XKR4: variants seen among roughly 807,000 people sequenced by gnomAD.
The protein encoded by XKR4 is XK related 4.
Under a neutral mutation model 53.9 loss-of-function variants are expected in XKR4, and 12 were observed. That is an observed-to-expected ratio of 0.22 (90% CI 0.14 to 0.36). The LOEUF (loss-of-function observed/expected upper bound fraction) is 0.36. Among genes scored for constraint, XKR4 ranks in the 10% least tolerant of loss-of-function variants. XKR4 has a pLI of 1.00. For missense variants in XKR4, 799 were observed against 859.5 expected, an observed-to-expected ratio of 0.93 and a Z score of 0.88; for synonymous variants, 354 against 362.4, an observed-to-expected ratio of 0.98 and a Z score of 0.26.
intron 2 of XKR4, among the ~76,000 whole-genome samples, chr8:55,509,926 T>C (rs1806601721): frequency 6.6e-6 from 1 of 152,216 alleles, no homozygotes; most frequent in East Asian, 1.9e-4. Flanking sequence ...CTTTGTTTTC[T>C]GAATGATGGA....
intron 1 of XKR4, among the ~76,000 whole-genome samples, chr8:55,179,527 ATT>A (rs897429238): frequency 1.9e-4 from 29 of 152,174 alleles, no homozygotes; most frequent in Admixed American, 9.8e-4. Context: ...AAAATGATTG[ATT>A]TTTAAATAGC....
intron 1 of XKR4, among the ~76,000 whole-genome samples, chr8:55,275,918 G>GT (rs1818757169): frequency 6.6e-6 from 1 of 152,172 alleles, no homozygotes; most frequent in African/African-American, 2.4e-5. Context: ...GCCTTGCTAA[G>GT]ATCTCCTCCA....
chr8:55,450,065 C>A, intron 2 of XKR4: 1 of 749,554 alleles, frequency 1.3e-6, no homozygotes, highest in Admixed American at 1.8e-5. Context: ...GGCCGGGCTT[C>A]AAGGCGCCAT....
At chr8:55,159,654 G>T (rs947127164) in intron 1 of XKR4, among the ~76,000 whole-genome samples, 1 of 152,110 alleles carries the variant, frequency 6.6e-6, no homozygotes, top group African/African-American at 2.4e-5. Context: ...AAGTACAAAT[G>T]ACCCTATAAA....
intron 1 of XKR4, among the ~76,000 whole-genome samples, chr8:55,156,814 G>A (rs913654463): frequency 6.6e-6 from 1 of 152,166 alleles, no homozygotes; most frequent in African/African-American, 2.4e-5. Flanking sequence ...TGCCCCCTGG[G>A]CCAGCATGTA....
chr8:55,195,624 A>C (rs1368654712), intron 1 of XKR4, among the ~76,000 whole-genome samples: 2 of 152,184 alleles, frequency 1.3e-5, no homozygotes, highest in African/African-American at 4.8e-5. Context: ...AATTGCTCAG[A>C]TATTTGGAAA....
chr8:55,480,563 A>G (rs1806085036), intron 2 of XKR4, among the ~76,000 whole-genome samples: 1 of 152,132 alleles, frequency 6.6e-6, no homozygotes, highest in African/African-American at 2.4e-5. Flanking sequence ...GCAATCAGGC[A>G]GGAGAAGGAA....
intron 1 of XKR4, among the ~76,000 whole-genome samples, chr8:55,152,388 A>G (rs147219662): frequency 2.0e-4 from 30 of 152,330 alleles, no homozygotes; most frequent in African/African-American, 7.0e-4. Context: ...TGTTCATTAT[A>G]TACCATATAT....
At chr8:55,131,662 T>C (rs1302305263) in intron 1 of XKR4, among the ~76,000 whole-genome samples, 1 of 152,194 alleles carries the variant, frequency 6.6e-6, no homozygotes, top group Non-Finnish European at 1.5e-5. Flanking sequence ...AAGGCCTTTG[T>C]AAAAGATATC....
chr8:55,219,011 C>CTT (rs5891562), intron 1 of XKR4, among the ~76,000 whole-genome samples: 3,916 of 145,972 alleles, frequency 0.027, 149 homozygotes, highest in African/African-American at 0.074. Flanking sequence ...TAGAAGCAGT[C>CTT]TTTTTTTTTT....
chr8:55,509,795 C>T (rs1806598385), intron 2 of XKR4, among the ~76,000 whole-genome samples: 1 of 152,136 alleles, frequency 6.6e-6, no homozygotes, highest in Non-Finnish European at 1.5e-5. Context: ...TAGAGGGATC[C>T]TTAATAGGTC....
intron 2 of XKR4, among the ~76,000 whole-genome samples, chr8:55,374,167 T>C (rs1804114556): frequency 6.6e-6 from 1 of 152,214 alleles, no homozygotes; most frequent in South Asian, 2.1e-4. Flanking sequence ...AAGGAAATCT[T>C]CATTATTTAG....
chr8:55,229,538 T>C, intron 1 of XKR4, among the ~76,000 whole-genome samples: 1 of 152,228 alleles, frequency 6.6e-6, no homozygotes, highest in Non-Finnish European at 1.5e-5. Context: ...GGATGAATAG[T>C]GCATGGGTGG....
intron 1 of XKR4, among the ~76,000 whole-genome samples, chr8:55,207,265 G>A (rs935985890): frequency 2.6e-5 from 4 of 152,162 alleles, no homozygotes; most frequent in East Asian, 1.9e-4. Flanking sequence ...GTGGCTGACC[G>A]GTGACCTGCC....
intron 2 of XKR4, among the ~76,000 whole-genome samples, chr8:55,384,440 C>A (rs1466684967): frequency 6.6e-6 from 1 of 152,076 alleles, no homozygotes; most frequent in Non-Finnish European, 1.5e-5. Context: ...AGGCTTGGAA[C>A]AAAAATGTCC....
At chr8:55,492,538 C>T (rs1806285876) in intron 2 of XKR4, among the ~76,000 whole-genome samples, 1 of 152,206 alleles carries the variant, frequency 6.6e-6, no homozygotes, top group Non-Finnish European at 1.5e-5. Flanking sequence ...GTGTTCTAGG[C>T]AGTCCTGAGG....
chr8:55,184,355 G>C (rs1817350506), intron 1 of XKR4, among the ~76,000 whole-genome samples: 1 of 152,154 alleles, frequency 6.6e-6, no homozygotes, highest in Non-Finnish European at 1.5e-5. Flanking sequence ...GAAACTAGAT[G>C]TCTCGCAGAT....
At chr8:55,483,771 A>C (rs1806151654) in intron 2 of XKR4, among the ~76,000 whole-genome samples, 1 of 152,126 alleles carries the variant, frequency 6.6e-6, no homozygotes, top group Non-Finnish European at 1.5e-5. Flanking sequence ...TAAACAAAAA[A>C]AAAAGTAGAA....
chr8:55,337,932 T>C (rs1463438318), intron 1 of XKR4, among the ~76,000 whole-genome samples: 1 of 152,240 alleles, frequency 6.6e-6, no homozygotes, highest in East Asian at 1.9e-4. Flanking sequence ...CTTGCTGCCA[T>C]ATTCAATATG....
Sources: gnomAD v4.1 joint callset for allele counts (sites outside exome capture counted in the v4.1 genomes callset) on GRCh38, gnomAD v4.1.1 for gene constraint, MANE v1.5 for transcripts, NCBI Gene and HGNC (gene_info 2026-07-23, HGNC 2026-07-21) for gene names.